The following POU3F3 variants were observed in gnomAD, a reference collection of about 807,000 sequenced individuals.
POU3F3 encodes POU class 3 homeobox 3.
POU3F3 carries 1 observed loss-of-function variant against 8.6 expected under a neutral mutation model. The observed-to-expected ratio is 0.12, with a 90% CI of 0.04 to 0.55. The LOEUF (loss-of-function observed/expected upper bound fraction) is 0.55. POU3F3 is among the 20% of genes least tolerant of loss of function. POU3F3 has a pLI of 0.91. For missense variants in POU3F3, 577 were observed against 690.7 expected, an observed-to-expected ratio of 0.84 and a Z score of 1.84; for synonymous variants, 418 against 327.4, an observed-to-expected ratio of 1.28 and a Z score of -2.99.
At chr2:104,898,162 C>G in the POU3F3 span, among the ~76,000 whole-genome samples, 2 of 152,190 alleles carry the variant, frequency 1.3e-5, no homozygotes, top group Non-Finnish European at 2.9e-5. Context: ...CTCCATCTCT[C>G]TCCACCCACT....
chr2:104,924,382 C>T, the POU3F3 span, among the ~76,000 whole-genome samples: 15 of 152,152 alleles, frequency 9.9e-5, no homozygotes, highest in African/African-American at 3.4e-4. Context: ...TATGCAGAAT[C>T]GATGGGGAGG....
At chr2:104,866,843 C>G in the POU3F3 span, 1 of 152,204 alleles carries the variant, frequency 6.6e-6, no homozygotes, top group Non-Finnish European at 1.5e-5. Context: ...TAGAGCTGCA[C>G]GTTGGCTAAG....
At position 104,856,371 on chromosome 2, in the gene POU3F3, C is replaced by G; in HGVS notation, c.861C>G (p.His287Gln). ...ATCCTCACCCGCCGCACCCGCACCA[C>G]GCGCAGGGACCCCCGCACCACGGCG... ...HAHPHPPHPHHAQGPPHHGGG... is the reference protein window; with the variant it reads ...HAHPHPPHPHQAQGPPHHGGG... Residue 287 changes from histidine to glutamine, a missense_variant, in exon 1 of 1, where the codon CAC becomes CAG. His to Gln is a conservative substitution (Grantham distance 24, BLOSUM62 0). Coordinates refer to ENST00000361360, the MANE Select transcript of POU3F3 (RefSeq NM_006236.3). 1.9e-6 allele frequency: 3 copies of G among 1,540,676 alleles called. No homozygotes were observed. The highest frequency in any genetic ancestry group is 2.6e-6 in the Non-Finnish European group (3 of 1,146,754).
the POU3F3 span, among the ~76,000 whole-genome samples, chr2:104,920,015 A>T: frequency 2.0e-5 from 3 of 151,864 alleles, no homozygotes; most frequent in South Asian, 2.1e-4. Context: ...TCATTTATTT[A>T]TTTTTTTATT....
the POU3F3 span, among the ~76,000 whole-genome samples, chr2:104,869,059 C>T: frequency 6.6e-5 from 10 of 152,286 alleles, no homozygotes; most frequent in East Asian, 1.5e-3. Flanking sequence ...ACCTTAGACA[C>T]CTAGGGGTTC....
chr2:104,855,409 G>A lies in POU3F3; in HGVS notation c.-102G>A, dbSNP rs1379875923. The A allele has an allele frequency of 2.0e-6, 1 of 493,066 alleles. No homozygotes were observed. The highest frequency in any genetic ancestry group is 2.6e-6 in the Non-Finnish European group (1 of 391,532). 30.5% of individuals were successfully genotyped at this position (493,066 alleles called of 1,614,324 possible). ...GGGGAAGGAGGGGGGGAGGAGGCGG[G>A]AGGCGGGGGGCGCGGCGGCGGCGGC... On this transcript the variant is annotated 5_prime_UTR_variant, in exon 1 of 1. Transcript: ENST00000361360.
At chr2:104,895,606 AAC>A in the POU3F3 span, among the ~76,000 whole-genome samples, 1 of 152,192 alleles carries the variant, frequency 6.6e-6, no homozygotes, top group Non-Finnish European at 1.5e-5. Flanking sequence ...CAGAGATCCA[AAC>A]ACAGTGAAAA....
In POU3F3 at chr2:104,856,390, CACGGCG is replaced by C. The variant is rs765802779; in HGVS notation, c.881_886del (p.His294_Gly296delinsArg). ...GCACCACGCGCAGGGACCCCCGCACCACGGCGGCGGCGGCGGCGGCGCGGGGCCTGG... is the reference window on the plus strand; with the variant it reads ...GCACCACGCGCAGGGACCCCCGCACCGCGGCGGCGGCGGCGCGGGGCCTGG... On this transcript the variant is annotated inframe_deletion, in exon 1 of 1. Coordinates refer to ENST00000361360, the MANE Select transcript of POU3F3 (RefSeq NM_006236.3). 1.9e-6 allele frequency: 3 copies of C among 1,567,266 alleles called. No homozygotes were observed. The highest frequency in any genetic ancestry group is 1.7e-6 in the Non-Finnish European group (2 of 1,158,428).
At position 104,856,471 on chromosome 2, in the gene POU3F3, G is replaced by A. The variant is rs1676570869; in HGVS notation, c.961G>A (p.Asp321Asn). ...GGACGAGGACACGCCGACGTCGGAC[G>A]ACCTGGAGCAGTTCGCCAAGCAGTT... ...HSDEDTPTSD[D>N]LEQFAKQFKQ... Residue 321 changes from aspartate (D) to asparagine (N), a missense_variant, in exon 1 of 1, where the codon GAC (aspartate) becomes AAC (asparagine). By Grantham distance (23) the Asp-to-Asn change is conservative. This residue lies in a region of POU3F3 where 20 missense variants were observed against 107.7 expected (regional missense o/e 0.19). Coordinates refer to ENST00000361360, the MANE Select transcript of POU3F3 (RefSeq NM_006236.3). The A allele has an allele frequency of 1.9e-6, 3 of 1,613,218 alleles. No homozygotes were observed. Among genetic ancestry groups the A allele is most frequent in the African/African-American group, 1.3e-5 (1 of 74,894 alleles).
the POU3F3 span, among the ~76,000 whole-genome samples, chr2:104,887,101 G>A: frequency 6.6e-6 from 1 of 152,082 alleles, no homozygotes. Flanking sequence ...ACTTCCTGAC[G>A]TTGCCATGGC....
In POU3F3 at chr2:104,857,030, G is replaced by T; in HGVS notation, c.*17G>T. ...GTTCAGTGAAGCCAGGGCGCAGAGC[G>T]AAGAGGGCCGCCGCCGCCGCCGCCT... is the stretch of plus-strand genomic sequence containing the variant. On this transcript the variant is annotated 3_prime_UTR_variant, in exon 1 of 1. Coordinates refer to ENST00000361360, the MANE Select transcript of POU3F3 (RefSeq NM_006236.3). 6.6e-7 allele frequency: 1 copy of T among 1,519,062 alleles called. No homozygotes were observed. Among genetic ancestry groups the T allele is most frequent in the East Asian group, 2.4e-5 (1 of 40,894 alleles). 94.1% of individuals were successfully genotyped at this position (1,519,062 alleles called of 1,614,324 possible). A position where few individuals can be genotyped will look rare whatever the true frequency, so the allele number is the denominator to read the frequency against.
At chr2:104,854,098 C>G (rs1676498290), upstream of POU3F3, among the ~76,000 whole-genome samples, 1 of 152,016 alleles carries the variant, frequency 6.6e-6, no homozygotes, top group African/African-American at 2.4e-5. The surrounding 1 kb of genome is among the most constrained non-coding windows in gnomAD (Gnocchi z 4.5). Context: ...GGTGCGCGCT[C>G]GCGGCGGAGG....
chr2:104,855,754 A>G lies in POU3F3; in HGVS notation c.244A>G (p.Met82Val). 1 of 1,309,774 alleles carries G rather than the reference A, an allele frequency of 7.6e-7. No individual in the cohort carries two copies. Among genetic ancestry groups the G allele is most frequent in the Non-Finnish European group, 9.9e-7 (1 of 1,006,600 alleles). The allele number at this position is 1,309,774 out of a possible 1,614,324, so 81.1% of individuals were successfully genotyped here. ...MVQSDFMQGA[M>V]AASNGGHMLS... ...CCAGAGCGACTTCATGCAGGGGGCCATGGCCGCCAGCAACGGCGGCCATAT... is the reference window on the plus strand; with the variant it reads ...CCAGAGCGACTTCATGCAGGGGGCCGTGGCCGCCAGCAACGGCGGCCATAT... Residue 82 changes from methionine (M) to valine (V), a missense_variant, in exon 1 of 1, where the codon ATG becomes GTG. Around this residue, in one of 7 missense-constraint regions of POU3F3, gnomAD observed 484 missense variants for 422.6 expected, o/e 1.15. Transcript: ENST00000361360.
At chr2:104,882,168 T>G in the POU3F3 span, among the ~76,000 whole-genome samples, 3 of 152,164 alleles carry the variant, frequency 2.0e-5, no homozygotes, top group African/African-American at 7.2e-5. Flanking sequence ...TATCTGAGTT[T>G]AAAATTTCAG....
chr2:104,925,673 T>C, the POU3F3 span, among the ~76,000 whole-genome samples: 35 of 152,162 alleles, frequency 2.3e-4, no homozygotes, highest in Non-Finnish European at 3.5e-4. Context: ...AAATGATTAG[T>C]GATTATTTAG....
chr2:104,925,440 C>T, the POU3F3 span, among the ~76,000 whole-genome samples: 1 of 152,096 alleles, frequency 6.6e-6, no homozygotes, highest in Admixed American at 6.5e-5. Context: ...CCAAGGTTTC[C>T]TCTTACTCTC....
the POU3F3 span, among the ~76,000 whole-genome samples, chr2:104,879,254 C>A: frequency 6.6e-6 from 1 of 151,558 alleles, no homozygotes; most frequent in Non-Finnish European, 1.5e-5. Flanking sequence ...GAGAGAGGAG[C>A]CTATGTCTTA....
At chr2:104,910,176 A>G in the POU3F3 span, among the ~76,000 whole-genome samples, 1 of 152,156 alleles carries the variant, frequency 6.6e-6, no homozygotes, top group Non-Finnish European at 1.5e-5. Flanking sequence ...AGCACTAAAA[A>G]TGGGCTACAA....
At chr2:104,907,135 T>C in the POU3F3 span, among the ~76,000 whole-genome samples, 1 of 152,142 alleles carries the variant, frequency 6.6e-6, no homozygotes, top group South Asian at 2.1e-4. Flanking sequence ...CTCTCTAACA[T>C]GCCAAGCTCC....
Sources: allele counts gnomAD v4.1 joint callset (sites outside exome capture counted in the v4.1 genomes callset), GRCh38; gene constraint gnomAD v4.1.1; regional missense constraint gnomAD v4.1.1; non-coding constraint Gnocchi (gnomAD v3.1); transcripts MANE v1.5; gene names NCBI Gene and HGNC (gene_info 2026-07-23, HGNC 2026-07-21).